Variants in CYSTM1 observed in about 807,000 individuals in gnomAD.
CYSTM1 encodes cysteine-rich transmembrane module-containing protein 1.
CYSTM1 carries 4 observed loss-of-function variants against 13.1 expected under a neutral mutation model. The observed-to-expected ratio is 0.31, with a 90% CI of 0.15 to 0.70. CYSTM1 has a LOEUF of 0.70. Among genes scored for constraint, CYSTM1 ranks in the 30% least tolerant of loss-of-function variants. The pLI is 0.72. For missense variants in CYSTM1, 96 were observed against 121.6 expected (o/e 0.79, Z 0.99); for synonymous variants, 36 against 42.7 (o/e 0.84, Z 0.62).
chr5:140,176,606 G>T (rs1763888656), intron 1 of CYSTM1, among the ~76,000 whole-genome samples: 1 of 152,174 alleles, frequency 6.6e-6, no homozygotes, highest in South Asian at 2.1e-4. Flanking sequence ...AGAGGTTTCA[G>T]AGTGACTTAC....
At chr5:140,200,959 C>G (rs1764218888) in intron 2 of CYSTM1, 1 of 152,188 alleles carries the variant, frequency 6.6e-6, no homozygotes, top group Non-Finnish European at 1.5e-5. Context: ...TTACATGCTT[C>G]TTTCACTTAG....
At chr5:140,181,381 G>A (rs146814394) in intron 1 of CYSTM1, among the ~76,000 whole-genome samples, 24 of 152,218 alleles carry the variant, frequency 1.6e-4, no homozygotes, top group East Asian at 9.6e-4. Context: ...ATCTTTGATC[G>A]CAGTTTCTGC....
chr5:140,206,233 C>G (rs995100870), intron 2 of CYSTM1, among the ~76,000 whole-genome samples: 1 of 151,650 alleles, frequency 6.6e-6, no homozygotes, highest in Non-Finnish European at 1.5e-5. Flanking sequence ...TCACCTCCCC[C>G]TCCCCCACCC....
intron 2 of CYSTM1, among the ~76,000 whole-genome samples, chr5:140,195,947 A>G (rs1282283467): frequency 6.6e-6 from 1 of 151,588 alleles, no homozygotes; most frequent in East Asian, 2.0e-4. Flanking sequence ...CAGGAGGCTG[A>G]GGCAGGAGAA....
intron 2 of CYSTM1, chr5:140,228,978 GA>G (rs1180593144): frequency 2.5e-6 from 1 of 394,044 alleles, no homozygotes; most frequent in Admixed American, 4.4e-5. Flanking sequence ...TCATAGGTGT[GA>G]AATGGTATCT....
chr5:140,241,493 G>C (rs1764748345), intron 2 of CYSTM1, among the ~76,000 whole-genome samples: 1 of 152,248 alleles, frequency 6.6e-6, no homozygotes, highest in Admixed American at 6.5e-5. Context: ...CTCCAGCTGA[G>C]TCTCTGGCCT....
intron 2 of CYSTM1, among the ~76,000 whole-genome samples, chr5:140,233,008 A>C (rs558451106): frequency 6.6e-6 from 1 of 152,320 alleles, no homozygotes; most frequent in Admixed American, 6.5e-5. Flanking sequence ...GAACAGTAGC[A>C]ACAGTCTAGA....
intron 2 of CYSTM1, among the ~76,000 whole-genome samples, chr5:140,217,623 A>G (rs1267763133): frequency 2.0e-5 from 3 of 152,158 alleles, no homozygotes; most frequent in Non-Finnish European, 4.4e-5. Context: ...GAGTACGCCA[A>G]GATCTCTTCT....
chr5:140,189,790 T>TAC (rs1764068198), intron 1 of CYSTM1, among the ~76,000 whole-genome samples: 1 of 151,440 alleles, frequency 6.6e-6, no homozygotes, highest in African/African-American at 2.4e-5. Flanking sequence ...GTTTCACTTC[T>TAC]ATATATATAT....
chr5:140,194,767 C>A (rs1394222868), intron 2 of CYSTM1, 115 bp downstream of exon 2: 1 of 1,308,668 alleles, frequency 7.6e-7, no homozygotes, highest in African/African-American at 1.5e-5. Context: ...TGCTTGATGT[C>A]CCCAAAGCTT....
In CYSTM1 at chr5:140,219,153, T is replaced by C. The variant is rs1157442665; in HGVS notation, c.188-24152T>C. Among the ~76,000 whole-genome samples, 4 of 152,170 alleles carry C rather than the reference T, an allele frequency of 2.6e-5. No individual in the cohort carries two copies. Among genetic ancestry groups the C allele is most frequent in the Admixed American group, 2.0e-4 (3 of 15,276 alleles). The stretch of plus-strand genomic sequence containing the variant: ...TACAAGCCAGGCCACCACTTCTGTC[T>C]CCTTTTCTCTGCTGGTGAAGTCTCT... On this transcript the variant is annotated intron_variant, in intron 2 of 2. Coordinates refer to ENST00000261811, the MANE Select transcript of CYSTM1 (RefSeq NM_032412.4). The surrounding 1 kb of genome is among the most constrained non-coding windows in gnomAD (Gnocchi z 4.1).
At chr5:140,179,515 G>C (rs910656581) in intron 1 of CYSTM1, among the ~76,000 whole-genome samples, 1 of 149,120 alleles carries the variant, frequency 6.7e-6, no homozygotes, top group Admixed American at 6.6e-5. Context: ...AGCCAAGATT[G>C]TGCCACTGCA....
At chr5:140,191,872 C>T (rs1764099232) in intron 1 of CYSTM1, among the ~76,000 whole-genome samples, 1 of 152,206 alleles carries the variant, frequency 6.6e-6, no homozygotes, top group Non-Finnish European at 1.5e-5. Context: ...AGGCTTTCTA[C>T]AGCCTTCCTG....
rs1421840801 is a variant in CYSTM1, at chr5:140,243,288, C to G, written c.188-17C>G. The G allele has an allele frequency of 6.2e-7, 1 of 1,609,830 alleles. No individual in the cohort carries two copies. The highest frequency in any genetic ancestry group is 8.5e-7 in the Non-Finnish European group (1 of 1,176,236). ...TGCACCAGTCCATTCTCACCCTCTT[C>G]CCTCTTCTCCCTCCAGTGTATGTGG... On this transcript the variant is annotated splice_polypyrimidine_tract_variant and intron_variant, in intron 2 of 2. Coordinates refer to ENST00000261811, the MANE Select transcript of CYSTM1 (RefSeq NM_032412.4).
At chr5:140,188,778 C>CAAAA (rs34915397) in intron 1 of CYSTM1, among the ~76,000 whole-genome samples, 7 of 113,426 alleles carry the variant, frequency 6.2e-5, no homozygotes, top group South Asian at 3.3e-4. Flanking sequence ...GACTCCGTCT[C>CAAAA]AAAAAAAAAA....
intron 2 of CYSTM1, among the ~76,000 whole-genome samples, chr5:140,211,186 G>A (rs890156244): frequency 6.6e-6 from 1 of 152,168 alleles, no homozygotes. Context: ...TTGTATATTA[G>A]CTCATCTAGT....
At chr5:140,237,310 C>G (rs1016105389) in intron 2 of CYSTM1, among the ~76,000 whole-genome samples, 3 of 152,184 alleles carry the variant, frequency 2.0e-5, no homozygotes, top group Non-Finnish European at 4.4e-5. Context: ...AATAGGGAGG[C>G]CTTTCATTCC....
intron 2 of CYSTM1, among the ~76,000 whole-genome samples, chr5:140,232,561 A>C (rs1304403383): frequency 6.6e-6 from 1 of 152,232 alleles, no homozygotes; most frequent in African/African-American, 2.4e-5. Context: ...CTGAGAGATT[A>C]GGTAAAGTGA....
chr5:140,205,188 G>A (rs1053760939), intron 2 of CYSTM1, among the ~76,000 whole-genome samples: 15 of 152,080 alleles, frequency 9.9e-5, no homozygotes, highest in African/African-American at 3.1e-4. Flanking sequence ...TGGGCCCACC[G>A]GGCCATTGGC....
Sources: allele counts gnomAD v4.1 joint callset (sites outside exome capture counted in the v4.1 genomes callset), GRCh38; gene constraint gnomAD v4.1.1; non-coding constraint Gnocchi (gnomAD v3.1); transcripts MANE v1.5; gene names NCBI Gene and HGNC (gene_info 2026-07-23, HGNC 2026-07-21).